The following MEG3 variants were observed in gnomAD, a reference collection of about 807,000 sequenced individuals.
MEG3 encodes Very putative protein from MEG3 locus.
chr14:100,859,129 T>C (rs1412512263), exon 1 of MEG3: 1 of 152,236 alleles, frequency 6.6e-6, no homozygotes, highest in African/African-American at 2.4e-5. Flanking sequence ...AGGCACATAA[T>C]AGATGCTCGC....
intron 2 of MEG3, among the ~76,000 whole-genome samples, chr14:100,841,086 G>A (rs1411321089): frequency 1.3e-5 from 2 of 152,224 alleles, no homozygotes; most frequent in East Asian, 1.9e-4. Context: ...AGCTGCGAGA[G>A]AGGGGACGCT....
chr14:100,844,543 T>G (rs933697069), intron 2 of MEG3, among the ~76,000 whole-genome samples: 1 of 152,148 alleles, frequency 6.6e-6, no homozygotes, highest in African/African-American at 2.4e-5. Context: ...CCAGATCCCG[T>G]CCCCACCATC....
At chr14:100,860,641 C>T in intron 1 of MEG3, 1 of 456,592 alleles carries the variant, frequency 2.2e-6, no homozygotes, top group South Asian at 1.5e-5. Context: ...TCTTGTCGGC[C>T]AGCGAGGCCG....
chr14:100,843,774 G>GGAGC (rs2037828887), intron 2 of MEG3, among the ~76,000 whole-genome samples: 1 of 151,878 alleles, frequency 6.6e-6, no homozygotes, highest in South Asian at 2.1e-4. Context: ...GGCAGTCTTG[G>GGAGC]GAGCCCCTGA....
At chr14:100,832,453 C>G (rs45579336), downstream of MEG3, 1 of 152,552 alleles carries the variant, frequency 6.6e-6, no homozygotes, top group African/African-American at 2.4e-5. Context: ...CTCCCCCTTA[C>G]CCTGGCGGTG....
rs1161043945 is a variant in MEG3, at chr14:100,826,529, G to A, written n.372-2179G>A. ...TCAGATGGAACTCCTCTTGGATTCG[G>A]GTATACGGCAGTCACTGGGGGGCGA... is the stretch of plus-strand genomic sequence containing the variant. On this transcript the variant is annotated intron_variant and non_coding_transcript_variant, in intron 1 of 2. Transcript: ENST00000556407. 2.0e-5 allele frequency among the ~76,000 whole-genome samples: 3 copies of A among 152,170 alleles called. No individual in the cohort carries two copies. In the East Asian group the frequency reaches 5.8e-4, roughly 29 times the overall value.
chr14:100,843,049 C>T (rs894207561), intron 2 of MEG3, among the ~76,000 whole-genome samples: 19 of 152,142 alleles, frequency 1.2e-4, no homozygotes, highest in African/African-American at 3.1e-4. Flanking sequence ...AGCTGGCACA[C>T]GCAGCTTTTA....
intron 2 of MEG3, among the ~76,000 whole-genome samples, chr14:100,841,510 G>T (rs2037758644): frequency 6.6e-6 from 1 of 152,240 alleles, no homozygotes; most frequent in Non-Finnish European, 1.5e-5. Flanking sequence ...TGCCCCCTCT[G>T]CTTTAGAGGT....
exon 1 of MEG3, chr14:100,860,310 A>G (rs1462395738): frequency 4.2e-6 from 1 of 237,012 alleles, no homozygotes; most frequent in Non-Finnish European, 8.4e-6. Flanking sequence ...GAAAAACATC[A>G]AAGCTGGATA....
chr14:100,836,314 T>C (rs1194436802), intron 2 of MEG3: 1 of 456,050 alleles, frequency 2.2e-6, no homozygotes, highest in Non-Finnish European at 4.4e-6. Flanking sequence ...AGTTTCTTGC[T>C]TTCTTGAGAC....
downstream of MEG3, chr14:100,831,652 A>G (rs1351538180): frequency 6.6e-6 from 1 of 151,746 alleles, no homozygotes; most frequent in Non-Finnish European, 1.5e-5. Context: ...GTGTCTTTAC[A>G]CTCCCTTCAC....
upstream of MEG3, chr14:100,852,312 G>T: frequency 1.9e-6 from 1 of 529,984 alleles, no homozygotes. Context: ...GAAGAAGGGG[G>T]TGGTTCCCAC....
upstream of MEG3, chr14:100,855,804 C>T (rs79747286): frequency 6.6e-6 from 1 of 152,306 alleles, no homozygotes; most frequent in African/African-American, 2.4e-5. Context: ...GGTGACAAGG[C>T]GAGATCCCTG....
At chr14:100,860,593 C>A (rs1375761212) in intron 1 of MEG3, 1 of 452,128 alleles carries the variant, frequency 2.2e-6, no homozygotes, top group Non-Finnish European at 4.4e-6. Context: ...TTGCTCTCCT[C>A]TCCCTCCCTC....
At chr14:100,855,936 C>G (rs2038228722), upstream of MEG3, 1 of 152,208 alleles carries the variant, frequency 6.6e-6, no homozygotes, top group Non-Finnish European at 1.5e-5. Flanking sequence ...GCTCAGAAAT[C>G]ACAGCCCATA....
At chr14:100,841,420 T>C (rs367974656) in intron 2 of MEG3, among the ~76,000 whole-genome samples, 22 of 152,358 alleles carry the variant, frequency 1.4e-4, no homozygotes, top group East Asian at 1.3e-3. Flanking sequence ...TCGGGGTTTC[T>C]TCAGGCCTCC....
At chr14:100,839,310 T>A (rs1056432508) in intron 2 of MEG3, among the ~76,000 whole-genome samples, 1 of 151,926 alleles carries the variant, frequency 6.6e-6, no homozygotes, top group African/African-American at 2.4e-5. Context: ...AATTAATGAG[T>A]TGTGAAGTGT....
chr14:100,831,754 G>T (rs1017293100), downstream of MEG3: 2 of 152,160 alleles, frequency 1.3e-5, no homozygotes, highest in Admixed American at 6.5e-5. Context: ...TTCTTACCAT[G>T]CCGTCTTAAG....
chr14:100,847,256 A>C (rs2037944332), intron 3 of MEG3: 1 of 152,172 alleles, frequency 6.6e-6, no homozygotes, highest in Non-Finnish European at 1.5e-5. Flanking sequence ...GAGCACTTGA[A>C]GTCTGCACAT....
Sources: allele counts gnomAD v4.1 joint callset (sites outside exome capture counted in the v4.1 genomes callset), GRCh38; gene constraint gnomAD v4.1.1; transcripts MANE v1.5; gene names NCBI Gene and HGNC (gene_info 2026-07-23, HGNC 2026-07-21).